The following CPEB3 variants were observed in gnomAD, a reference collection of about 807,000 sequenced individuals.
CPEB3 encodes cytoplasmic polyadenylation element binding protein 3.
A neutral mutation model predicts 67.2 loss-of-function variants in CPEB3; 20 were observed. That is an observed-to-expected ratio of 0.30 (90% CI 0.21 to 0.43). The LOEUF is 0.43. Ranked by LOEUF, CPEB3 falls within the 20% of genes least tolerant of loss-of-function variation. CPEB3 has a pLI of 1.00. For synonymous variants in CPEB3, 376 were observed against 393.1 expected, an observed-to-expected ratio of 0.96 and a Z score of 0.51; for missense variants, 746 against 968.6, an observed-to-expected ratio of 0.77 and a Z score of 3.05.
At chr10:92,147,330 T>A (rs1255273576) in intron 4 of CPEB3, among the ~76,000 whole-genome samples, 1 of 151,910 alleles carries the variant, frequency 6.6e-6, no homozygotes, top group South Asian at 2.1e-4. Context: ...GTGATGCACA[T>A]CTGTAGTTCC....
Position 92,252,954 on chromosome 10 carries a change from C to T in CPEB3, c.-11-12593G>A, listed in dbSNP as rs117149283. On this transcript the variant is annotated intron_variant, in intron 1 of 9. Coordinates refer to ENST00000265997, the MANE Select transcript of CPEB3 (RefSeq NM_014912.5). The stretch of plus-strand genomic sequence containing the variant: ...TCCTTTTTTTTTTGAGACAGGGTCT[C>T]GCTCTGTTGCCTAGGCTGGAGTGAA... 3.7e-3 allele frequency among the ~76,000 whole-genome samples: 557 copies of T among 151,746 alleles called. 3 individuals are homozygous for T. The highest frequency in any genetic ancestry group is 0.01 in the Middle Eastern group (3 of 294).
Position 92,091,123 on chromosome 10 carries a change from T to C in CPEB3, c.1687+707A>G, listed in dbSNP as rs545378261. On this transcript the variant is annotated intron_variant, in intron 8 of 9. Transcript: ENST00000265997. ...ACAACATGATTTTAATGATCTCTGCTTTTTGTTTTAATTTTAGGTAGAACT... is the reference window on the plus strand; with the variant it reads ...ACAACATGATTTTAATGATCTCTGCCTTTTGTTTTAATTTTAGGTAGAACT... Among the ~76,000 whole-genome samples, 53 of 152,350 alleles carry C rather than the reference T, an allele frequency of 3.5e-4. 2 individuals are homozygous for C. The South Asian group carries it at 0.011, about 31-fold the overall frequency.
chr10:92,226,597 A>T (rs1019185558), intron 2 of CPEB3, among the ~76,000 whole-genome samples: 2 of 152,204 alleles, frequency 1.3e-5, no homozygotes, highest in Admixed American at 1.3e-4. Flanking sequence ...CACTTCAGTG[A>T]AAAGGTCCTT....
At chr10:92,168,246 A>G (rs1221245321) in intron 4 of CPEB3, among the ~76,000 whole-genome samples, 2 of 152,244 alleles carry the variant, frequency 1.3e-5, no homozygotes, top group East Asian at 3.8e-4. Flanking sequence ...CTTTTGCAAC[A>G]TTCTGTTTCA....
intron 4 of CPEB3, among the ~76,000 whole-genome samples, chr10:92,150,437 A>G (rs907708537): frequency 6.6e-6 from 1 of 152,120 alleles, no homozygotes; most frequent in Non-Finnish European, 1.5e-5. Flanking sequence ...CCGTTAATAA[A>G]TTCAGGACTC....
chr10:92,124,149 AT>A (rs1221939786), intron 6 of CPEB3, among the ~76,000 whole-genome samples: 3 of 152,084 alleles, frequency 2.0e-5, no homozygotes, highest in African/African-American at 7.2e-5. Context: ...CTAAACAAGC[AT>A]TTCCCCCCAT....
chr10:92,269,084 C>T (rs1359129308), intron 1 of CPEB3, among the ~76,000 whole-genome samples: 1 of 152,050 alleles, frequency 6.6e-6, no homozygotes, highest in African/African-American at 2.4e-5. Context: ...ATCTTTGTAC[C>T]CTGCATCAGC....
intron 3 of CPEB3, among the ~76,000 whole-genome samples, chr10:92,184,944 AT>A (rs1385118513): frequency 6.6e-6 from 1 of 152,182 alleles, no homozygotes; most frequent in Non-Finnish European, 1.5e-5. Context: ...TTATTTCATA[AT>A]TTTTTAACTT....
At chr10:92,163,562 T>C (rs1457866424) in intron 4 of CPEB3, among the ~76,000 whole-genome samples, 1 of 152,194 alleles carries the variant, frequency 6.6e-6, no homozygotes, top group African/African-American at 2.4e-5. Context: ...CTTGGAGTAT[T>C]AGTCATAGAA....
chr10:92,162,689 C>T (rs1022029522), intron 4 of CPEB3, among the ~76,000 whole-genome samples: 11 of 152,168 alleles, frequency 7.2e-5, no homozygotes, highest in Non-Finnish European at 1.6e-4. Context: ...CAACAGCACT[C>T]TCATGTTAAT....
intron 2 of CPEB3, among the ~76,000 whole-genome samples, chr10:92,218,780 T>G (rs1440737534): frequency 6.6e-6 from 1 of 151,760 alleles, no homozygotes; most frequent in South Asian, 2.1e-4. Flanking sequence ...CTCCAGGTCC[T>G]GACCTCACAG....
intron 2 of CPEB3, among the ~76,000 whole-genome samples, chr10:92,224,530 T>G (rs1850866568): frequency 6.6e-6 from 1 of 151,952 alleles, no homozygotes; most frequent in Admixed American, 6.6e-5. Flanking sequence ...CCATGTTGTT[T>G]CTTGCCTGTA....
rs1852229998 is a variant in CPEB3 at position 92,049,947 on chromosome 10, AAATT to A, written c.*2261_*2264del. On this transcript the variant is annotated 3_prime_UTR_variant, in exon 10 of 10. Coordinates refer to ENST00000265997, the MANE Select transcript of CPEB3 (RefSeq NM_014912.5). The stretch of plus-strand genomic sequence containing the variant: ...TGTTAAATCATTTTCTTGCAGAATT[AAATT>A]AATATATATTTTTCTGAATAAACTT... The A allele has an allele frequency of 6.6e-6, 1 of 152,648 alleles. No homozygotes were observed. Among genetic ancestry groups the A allele is most frequent in the African/African-American group, 2.4e-5 (1 of 41,574 alleles). 9.5% of individuals were successfully genotyped at this position (152,648 alleles called of 1,614,324 possible).
rs1846607860 is a variant in CPEB3, at chr10:92,144,949, A to G, written c.1359T>C (p.Asp453=). ...VFVGGLPPDI[D]EDEITASFRR... ...TCATTAATGAATGCATAGTACCTTC[A>G]TCAATATCAGGAGGAAGTCCTCCAA... Residue 453 remains aspartate, a synonymous_variant, in exon 5 of 10, where the codon GAT becomes GAC. Transcript: ENST00000265997. The G allele has an allele frequency of 6.2e-7, 1 of 1,613,904 alleles. No homozygotes were observed. Among genetic ancestry groups the G allele is most frequent in the South Asian group, 1.1e-5 (1 of 91,082 alleles).
At chr10:92,096,749 G>A (rs1358647705) in intron 7 of CPEB3, among the ~76,000 whole-genome samples, 2 of 152,126 alleles carry the variant, frequency 1.3e-5, no homozygotes, top group African/African-American at 2.4e-5. Context: ...TTCGACACCA[G>A]CTTGGCCAAC....
intron 9 of CPEB3, among the ~76,000 whole-genome samples, chr10:92,068,105 A>C (rs1457778471): frequency 6.6e-6 from 1 of 152,208 alleles, no homozygotes; most frequent in African/African-American, 2.4e-5. Context: ...TTATTTTCCC[A>C]TAGCAGGGCT....
At chr10:92,177,067 T>A (rs1225725351) in intron 4 of CPEB3, among the ~76,000 whole-genome samples, 1 of 152,004 alleles carries the variant, frequency 6.6e-6, no homozygotes, top group East Asian at 1.9e-4. Flanking sequence ...TGACCTAGAA[T>A]GTAAAAAAGA....
At chr10:92,188,980 C>T (rs1174960288) in intron 3 of CPEB3, among the ~76,000 whole-genome samples, 2 of 152,146 alleles carry the variant, frequency 1.3e-5, no homozygotes, top group African/African-American at 4.8e-5. Context: ...AAACAGAAGT[C>T]TCATTATCTC....
intron 1 of CPEB3, among the ~76,000 whole-genome samples, chr10:92,272,902 C>G (rs139374088): frequency 2.0e-5 from 3 of 152,074 alleles, no homozygotes; most frequent in African/African-American, 7.2e-5. Context: ...ACTGGAGAGG[C>G]CAATTGCCAA....
Sources: gnomAD v4.1 joint callset for allele counts (sites outside exome capture counted in the v4.1 genomes callset) on GRCh38, gnomAD v4.1.1 for gene constraint, MANE v1.5 for transcripts, NCBI Gene and HGNC (gene_info 2026-07-23, HGNC 2026-07-21) for gene names.